HID1: variants seen among roughly 807,000 people sequenced by gnomAD.
HID1 encodes the protein protein HID1.
Under a neutral mutation model 89.7 loss-of-function variants are expected in HID1, and 42 were observed. That is an observed-to-expected ratio of 0.47 (90% CI 0.37 to 0.61). The LOEUF (loss-of-function observed/expected upper bound fraction) is 0.61, where lower values mean the gene tolerates loss of function less well. HID1 is among the 20% of genes least tolerant of loss of function. HID1 has a pLI of 0.00. For missense variants in HID1, 854 were observed against 1,039.3 expected (o/e 0.82, Z 2.45); for synonymous variants, 442 against 433.8 (o/e 1.02, Z -0.24).
At chr17:74,952,549 G>A (rs1206615834) in intron 16 of HID1, among the ~76,000 whole-genome samples, 189 bp from the exon 17 acceptor site, 1 of 152,184 alleles carries the variant, frequency 6.6e-6, no homozygotes, top group African/African-American at 2.4e-5. Flanking sequence ...ATGGCCCCGC[G>A]TTAAGCCAGA....
At chr17:74,957,971 A>T in intron 12 of HID1, 170 bp downstream of exon 12, 1 of 603,258 alleles carries the variant, frequency 1.7e-6, no homozygotes, top group Non-Finnish European at 2.9e-6. Flanking sequence ...AAAACATATT[A>T]TTCAATTGTT....
At chr17:74,952,409 T>G in intron 16 of HID1, 49 bp from the exon 17 acceptor site, 1 of 1,465,070 alleles carries the variant, frequency 6.8e-7, no homozygotes, top group Non-Finnish European at 9.5e-7. Flanking sequence ...CCCCGGAGGC[T>G]GCGGGGCAAG....
At position 74,964,579 on chromosome 17, in the gene HID1, G is replaced by A. The variant is rs778866645; in HGVS notation, c.120C>T (p.Ala40=). Reference sequence around the variant, plus strand: ...GTGCAAACACATCCTGCACCGAGGTGGCTGTGTCTGCCCAGAACTGGTCCC... The same window carrying A: ...GTGCAAACACATCCTGCACCGAGGTAGCTGTGTCTGCCCAGAACTGGTCCC... ...AFWDQFWADT[A]TSVQDVFALV... The change falls in exon 2 of 19, where the codon GCC becomes GCT. Residue 40 remains alanine (A), a synonymous_variant. Coordinates refer to ENST00000425042, the MANE Select transcript of HID1 (RefSeq NM_030630.3). 5.0e-6 allele frequency: 8 copies of A among 1,612,352 alleles called. No homozygotes were observed. The highest frequency in any genetic ancestry group is 4.0e-5 in the African/African-American group (3 of 74,914).
Position 74,972,571 on chromosome 17 carries a change from C to T in HID1, c.66+20G>A. 2 of 1,543,740 alleles carry T rather than the reference C, an allele frequency of 1.3e-6. No individual in the cohort carries two copies. Among genetic ancestry groups the T allele is most frequent in the South Asian group, 1.2e-5 (1 of 83,164 alleles). ...CCAGCCCGGCAGGTGGATGGGGACGCCGGGGCCCCCGTGGCGCACCTGCGT... is the reference window on the plus strand; with the variant it reads ...CCAGCCCGGCAGGTGGATGGGGACGTCGGGGCCCCCGTGGCGCACCTGCGT... On this transcript the variant is annotated intron_variant, in intron 1 of 18. Transcript: ENST00000425042. The surrounding 1 kb of genome is among the most constrained non-coding windows in gnomAD (Gnocchi z 6.4).
intron 13 of HID1, among the ~76,000 whole-genome samples, chr17:74,955,275 C>T (rs1177645942): frequency 2.0e-5 from 3 of 152,184 alleles, no homozygotes; most frequent in Admixed American, 6.5e-5. Flanking sequence ...CCAGATGTGG[C>T]GGCTCATGCC....
chr17:74,952,648 G>A (rs1468868260), intron 16 of HID1, among the ~76,000 whole-genome samples: 1 of 152,188 alleles, frequency 6.6e-6, no homozygotes, highest in Non-Finnish European at 1.5e-5. Context: ...CTGTCCCAGC[G>A]CAACTGGCGT....
In HID1 at chr17:74,960,184, CGTA is replaced by C; in HGVS notation, c.790_792del (p.Tyr264del). ...AAGAGCAGGTGGTTGTAGGGGATCC[CGTA>C]GCCCACAGGGTCATAGGCACACACG... On this transcript the variant is annotated inframe_deletion, in exon 7 of 19. Coordinates refer to ENST00000425042, the MANE Select transcript of HID1 (RefSeq NM_030630.3). The C allele has an allele frequency of 6.2e-7, 1 of 1,613,786 alleles. No individual in the cohort carries two copies. The highest frequency in any genetic ancestry group is 8.5e-7 in the Non-Finnish European group (1 of 1,180,018).
chr17:74,953,838 G>A (rs1001242343), intron 14 of HID1, among the ~76,000 whole-genome samples, 187 bp from the exon 15 acceptor site: 4 of 151,712 alleles, frequency 2.6e-5, no homozygotes, highest in Non-Finnish European at 4.4e-5. Flanking sequence ...GTCTACACTC[G>A]CCCTGAGGCT....
rs529218645 is a variant in HID1, at chr17:74,966,014, A to G, written c.67-1382T>C. 3.3e-5 allele frequency among the ~76,000 whole-genome samples: 5 copies of G among 150,502 alleles called. No individual in the cohort carries two copies. The South Asian group carries it at 8.4e-4, about 25-fold the overall frequency. On this transcript the variant is annotated intron_variant, in intron 1 of 18. Transcript: ENST00000425042. ...ATAAAAGACTAGAAGAGGCTGGGTGAGGTGGCTCACGCCTGTAATCCCAAC... is the reference window on the plus strand; with the variant it reads ...ATAAAAGACTAGAAGAGGCTGGGTGGGGTGGCTCACGCCTGTAATCCCAAC...
chr17:74,953,763 C>A, intron 14 of HID1, 112 bp from the exon 15 acceptor site: 1 of 803,594 alleles, frequency 1.2e-6, no homozygotes, highest in South Asian at 1.6e-5. Flanking sequence ...CCTCTGGAAC[C>A]TCCACCGGCT....
In HID1 at chr17:74,959,316, G is replaced by T. The variant is rs184195304; in HGVS notation, c.1009-265C>A. On this transcript the variant is annotated intron_variant, in intron 8 of 18. Coordinates refer to ENST00000425042, the MANE Select transcript of HID1 (RefSeq NM_030630.3). The surrounding 1 kb of genome is among the most constrained non-coding windows in gnomAD (Gnocchi z 4.6). Reference sequence around the variant, plus strand: ...GGCTGTGCGCCCCTTGAGCAAGGCTGCTGCTCTCAGTGAACTCCCACACAT... The same window carrying T: ...GGCTGTGCGCCCCTTGAGCAAGGCTTCTGCTCTCAGTGAACTCCCACACAT... Among the ~76,000 whole-genome samples, 35 of 152,244 alleles carry T rather than the reference G, an allele frequency of 2.3e-4. No homozygotes were observed. Among genetic ancestry groups the T allele is most frequent in the Middle Eastern group, 3.4e-3 (1 of 294 alleles).
At chr17:74,952,402 C>A in intron 16 of HID1, 42 bp from the exon 17 acceptor site, 1 of 1,486,624 alleles carries the variant, frequency 6.7e-7, no homozygotes, top group African/African-American at 1.4e-5. Flanking sequence ...AAGCAGCCCC[C>A]GGAGGCTGCG....
chr17:74,963,525 T>C, intron 3 of HID1: 1 of 590,138 alleles, frequency 1.7e-6, no homozygotes, highest in East Asian at 2.9e-5. Flanking sequence ...CATACCCTAC[T>C]TCCTCCAGAC....
rs776860796 is a variant in HID1, at chr17:74,959,814, C to T, written c.1008+67G>A. 36 of 1,519,264 alleles carry T rather than the reference C, an allele frequency of 2.4e-5. No homozygotes were observed. Among genetic ancestry groups the T allele is most frequent in the Non-Finnish European group, 2.5e-5 (27 of 1,096,408 alleles). 94.1% of individuals were successfully genotyped at this position (1,519,264 alleles called of 1,614,324 possible). A position where few individuals can be genotyped will look rare whatever the true frequency, so the allele number is the denominator to read the frequency against. ...GGTTCCTTCATGGAGGGGTCAGGAT[C>T]CCCCATATCCCTGTCTCACTTGCAT... On this transcript the variant is annotated intron_variant, in intron 8 of 18. Transcript: ENST00000425042. This position sits in a 1 kb window ranked among gnomAD's most constrained non-coding sequence, Gnocchi z 4.6.
Position 74,959,126 on chromosome 17 carries a change from A to G in HID1, c.1009-75T>C. On this transcript the variant is annotated intron_variant, in intron 8 of 18. Transcript: ENST00000425042. The surrounding 1 kb of genome is among the most constrained non-coding windows in gnomAD (Gnocchi z 4.6). ...TCCAGTTTCCCAGCCCAGGCCCCCA[A>G]CAAATCCCCCCCTCCATCCCCCAGA... The G allele has an allele frequency of 6.9e-7, 1 of 1,440,552 alleles. No homozygotes were observed. Among genetic ancestry groups the G allele is most frequent in the Non-Finnish European group, 9.1e-7 (1 of 1,092,930 alleles). The allele number at this position is 1,440,552 out of a possible 1,614,324, so 89.2% of individuals were successfully genotyped here.
rs895163861 is a variant in HID1, at chr17:74,959,335, C to G, written c.1009-284G>C. Among the ~76,000 whole-genome samples the G allele has an allele frequency of 1.3e-5, 2 of 152,126 alleles. No individual in the cohort carries two copies. The highest frequency in any genetic ancestry group is 2.9e-5 in the Non-Finnish European group (2 of 68,024). On this transcript the variant is annotated intron_variant, in intron 8 of 18. Transcript: ENST00000425042. The surrounding 1 kb of genome is among the most constrained non-coding windows in gnomAD (Gnocchi z 4.6). ...AAGGCTGCTGCTCTCAGTGAACTCC[C>G]ACACATGCACACCCTCAACCTTGTC...
In HID1 at chr17:74,959,790, GT is replaced by G. The variant is rs1201224247; in HGVS notation, c.1008+90del. ...GTGGCCCCAGCCCACAGAGAGCATG[GT>G]TCCTTCATGGAGGGGTCAGGATCCC... On this transcript the variant is annotated intron_variant, in intron 8 of 18. Transcript: ENST00000425042. This position sits in a 1 kb window ranked among gnomAD's most constrained non-coding sequence, Gnocchi z 4.6. 4.1e-5 allele frequency: 56 copies of G among 1,362,642 alleles called. No homozygotes were observed. Among genetic ancestry groups the G allele is most frequent in the Non-Finnish European group, 5.6e-5 (54 of 959,770 alleles). The allele number at this position is 1,362,642 out of a possible 1,614,324, so 84.4% of individuals were successfully genotyped here.
intron 12 of HID1, among the ~76,000 whole-genome samples, chr17:74,956,605 G>A (rs1229348306): frequency 6.6e-6 from 1 of 152,138 alleles, no homozygotes; most frequent in African/African-American, 2.4e-5. Flanking sequence ...TGAACCAGGA[G>A]GGGAAGGGAC....
At chr17:74,953,721 TTTTTTA>T (rs1362085518) in intron 14 of HID1, 70 bp from the exon 15 acceptor site, 11 of 1,231,866 alleles carry the variant, frequency 8.9e-6, no homozygotes, top group South Asian at 3.7e-5. Context: ...CTCCACCCAC[TTTTTTA>T]TTTTTATTTG....
Sources: gnomAD v4.1 joint callset for allele counts (sites outside exome capture counted in the v4.1 genomes callset) on GRCh38, gnomAD v4.1.1 for gene constraint, Gnocchi (gnomAD v3.1) non-coding constraint, MANE v1.5 for transcripts, NCBI Gene and HGNC (gene_info 2026-07-23, HGNC 2026-07-21) for gene names.